TNFRSF8: variants seen among roughly 807,000 people sequenced by gnomAD.
TNFRSF8 encodes the protein tumor necrosis factor receptor superfamily member 8.
TNFRSF8 carries 26 observed loss-of-function variants against 70.8 expected under a neutral mutation model. The observed-to-expected ratio is 0.37, with a 90% CI of 0.27 to 0.51. TNFRSF8 has a LOEUF of 0.51. TNFRSF8 is among the 20% of genes least tolerant of loss of function. TNFRSF8 has a pLI of 0.94. For missense variants in TNFRSF8, 720 were observed against 807.9 expected (o/e 0.89, Z 1.32); for synonymous variants, 356 against 339.2 (o/e 1.05, Z -0.54).
rs147416595 is a variant in TNFRSF8 at position 12,082,623 on chromosome 1, G to A, written c.64-1841G>A. ...CACAAAACAAAAACCACGCCTTCCT[G>A]AAAAGAGTGAGCCTCTCCGACCCCT... On this transcript the variant is annotated intron_variant, in intron 1 of 14. Transcript: ENST00000263932. 2.0e-5 allele frequency among the ~76,000 whole-genome samples: 3 copies of A among 150,682 alleles called. No homozygotes were observed. In the East Asian group the frequency reaches 5.8e-4, roughly 29 times the overall value.
Position 12,115,578 on chromosome 1 carries a change from T to G in TNFRSF8, c.795T>G (p.Asp265Glu). The G allele has an allele frequency of 6.2e-7, 1 of 1,614,212 alleles. No individual in the cohort carries two copies. The highest frequency in any genetic ancestry group is 1.7e-5 in the Admixed American group (1 of 60,026). The change falls in exon 8 of 15, where the codon GAT becomes GAG. Residue 265 changes from aspartate to glutamate, a missense_variant and splice_region_variant. By Grantham distance (45) the Asp-to-Glu change is conservative. Coordinates refer to ENST00000263932, the MANE Select transcript of TNFRSF8 (RefSeq NM_001243.5). ...RCTACVSCSR[D>E]DLVEKTPCAW... ...GTGATCCTCATCTGTGTCCCTTAGA[T>G]GACCTTGTGGAGAAGACGCCATGTG...
intron 2 of TNFRSF8, among the ~76,000 whole-genome samples, chr1:12,087,137 C>T (rs1641167883): frequency 6.9e-6 from 1 of 144,690 alleles, no homozygotes; most frequent in Admixed American, 7.0e-5. Flanking sequence ...ATCATCCATC[C>T]AACAAATTTT....
intron 1 of TNFRSF8, among the ~76,000 whole-genome samples, chr1:12,081,868 C>G (rs779203656): frequency 6.6e-6 from 1 of 152,124 alleles, no homozygotes; most frequent in Non-Finnish European, 1.5e-5. Flanking sequence ...CCACATCGCA[C>G]CAGGGGCCAC....
rs11569956 is a variant in TNFRSF8, at chr1:12,143,815, C to T, written c.*1284C>T. ...TGGACTTACCGCCTGGAGGCAGGCC[C>T]GGGAAGGCTGCTGTTTACTCATCGG... is the stretch of plus-strand genomic sequence containing the variant. On this transcript the variant is annotated 3_prime_UTR_variant, in exon 15 of 15. Transcript: ENST00000263932. This position sits in a 1 kb window ranked among gnomAD's most constrained non-coding sequence, Gnocchi z 4.1. 1,206 of 152,278 alleles carry T rather than the reference C, an allele frequency of 7.9e-3. 21 individuals carry two copies. The highest frequency in any genetic ancestry group is 0.027 in the African/African-American group (1,119 of 41,540). 9.4% of individuals were successfully genotyped at this position (152,278 alleles called of 1,614,324 possible).
rs562374365 is a variant in TNFRSF8, at chr1:12,079,707, ACAGGCTGGCCATCCCAC to A, written c.64-4752_64-4736del. The stretch of plus-strand genomic sequence containing the variant: ...CTCCTTCCAAGGGGATTTGAGAGGC[ACAGGCTGGCCATCCCAC>A]CAGGTTGAGATCCCACAGCCCCTCC... On this transcript the variant is annotated intron_variant, in intron 1 of 14. Transcript: ENST00000263932. 3.1e-3 allele frequency among the ~76,000 whole-genome samples: 465 copies of A among 152,282 alleles called. 2 individuals are homozygous for A. Among genetic ancestry groups the A allele is most frequent in the African/African-American group, 0.011 (452 of 41,566 alleles).
At chr1:12,071,058 G>T (rs888859117) in intron 1 of TNFRSF8, among the ~76,000 whole-genome samples, 1 of 152,068 alleles carries the variant, frequency 6.6e-6, no homozygotes, top group African/African-American at 2.4e-5. Context: ...CTTTTATTCA[G>T]CCTGGTTACA....
chr1:12,122,391 G>A (rs1044694249), intron 8 of TNFRSF8, among the ~76,000 whole-genome samples: 2 of 151,628 alleles, frequency 1.3e-5, no homozygotes, highest in Admixed American at 6.6e-5. Flanking sequence ...TCACGCCTAC[G>A]ATCCCAGCAC....
chr1:12,068,528 G>A (rs987641602), intron 1 of TNFRSF8, among the ~76,000 whole-genome samples: 6 of 152,192 alleles, frequency 3.9e-5, no homozygotes, highest in Non-Finnish European at 8.8e-5. Context: ...GGATACTGGG[G>A]TGGGGGTGGG....
chr1:12,091,527 G>A (rs928281251), intron 2 of TNFRSF8, among the ~76,000 whole-genome samples: 2 of 152,082 alleles, frequency 1.3e-5, no homozygotes, highest in African/African-American at 4.8e-5. Context: ...GCTCTGAGAG[G>A]GTGATTTTAA....
chr1:12,119,876 G>T lies in TNFRSF8; in HGVS notation c.947-3408G>T. On this transcript the variant is annotated intron_variant, in intron 8 of 14. Coordinates refer to ENST00000263932, the MANE Select transcript of TNFRSF8 (RefSeq NM_001243.5). The surrounding 1 kb of genome is among the most constrained non-coding windows in gnomAD (Gnocchi z 4.4). Reference sequence around the variant, plus strand: ...GGTCACATAGTCAGAATGTTTTTGAGGACTAGTCAAAGCTGGATACCTCTG... The same window carrying T: ...GGTCACATAGTCAGAATGTTTTTGATGACTAGTCAAAGCTGGATACCTCTG... Among the ~76,000 whole-genome samples the T allele has an allele frequency of 6.6e-6, 1 of 152,066 alleles. No individual in the cohort carries two copies. Among genetic ancestry groups the T allele is most frequent in the East Asian group, 1.9e-4 (1 of 5,188 alleles).
Position 12,113,567 on chromosome 1 carries a change from CAG to C in TNFRSF8, c.793+1559_793+1560del, listed in dbSNP as rs958453182. Among the ~76,000 whole-genome samples, 114 of 144,604 alleles carry C rather than the reference CAG, an allele frequency of 7.9e-4. 1 individual carries two copies. The highest frequency in any genetic ancestry group is 9.9e-4 in the African/African-American group (38 of 38,252). 94.9% of individuals were successfully genotyped at this position (144,604 alleles called of 152,430 possible). A position where few individuals can be genotyped will look rare whatever the true frequency, so the allele number is the denominator to read the frequency against. ...AGAGTGAGAGAGAGAAAGAGAGAGA[CAG>C]AGAGAAAGAGACAGAATGAGAGGGA... On this transcript the variant is annotated intron_variant, in intron 7 of 14. Coordinates refer to ENST00000263932, the MANE Select transcript of TNFRSF8 (RefSeq NM_001243.5). This position sits in a 1 kb window ranked among gnomAD's most constrained non-coding sequence, Gnocchi z 4.9.
intron 1 of TNFRSF8, among the ~76,000 whole-genome samples, chr1:12,079,862 T>C (rs1641032611): frequency 6.6e-6 from 1 of 152,218 alleles, no homozygotes; most frequent in African/African-American, 2.4e-5. Flanking sequence ...TATTTACATA[T>C]GTGGCTTTGT....
chr1:12,066,281 A>C (rs1640738984), intron 1 of TNFRSF8, among the ~76,000 whole-genome samples: 1 of 151,356 alleles, frequency 6.6e-6, no homozygotes, highest in African/African-American at 2.4e-5. Flanking sequence ...TGTTTTTTCC[A>C]GTAAAGGTTC....
chr1:12,097,007 G>A, intron 2 of TNFRSF8, 94 bp from the exon 3 acceptor site: 1 of 893,116 alleles, frequency 1.1e-6, no homozygotes, highest in Middle Eastern at 3.6e-4. Context: ...AGGTGGAGCT[G>A]GGAGGGGCGT....
At chr1:12,092,892 A>G (rs1641269748) in intron 2 of TNFRSF8, among the ~76,000 whole-genome samples, 1 of 147,072 alleles carries the variant, frequency 6.8e-6, no homozygotes. Context: ...TGCAACCTCC[A>G]CCTCCCAGGT....
chr1:12,088,639 T>C lies in TNFRSF8; in HGVS notation c.151+4088T>C, dbSNP rs1018025037. Among the ~76,000 whole-genome samples, 10 of 152,288 alleles carry C rather than the reference T, an allele frequency of 6.6e-5. No individual in the cohort carries two copies. The highest frequency in any genetic ancestry group is 5.8e-4 in the East Asian group (3 of 5,180). ...CACAGGAAGGGGTCTCTCCTGCAGATGTTTGAGGCCTGCCCAGGTTCAGGG... is the reference window on the plus strand; with the variant it reads ...CACAGGAAGGGGTCTCTCCTGCAGACGTTTGAGGCCTGCCCAGGTTCAGGG... On this transcript the variant is annotated intron_variant, in intron 2 of 14. Coordinates refer to ENST00000263932, the MANE Select transcript of TNFRSF8 (RefSeq NM_001243.5). This position sits in a 1 kb window ranked among gnomAD's most constrained non-coding sequence, Gnocchi z 4.0.
intron 2 of TNFRSF8, 133 bp downstream of exon 2, chr1:12,084,684 C>A: frequency 1.2e-6 from 1 of 841,238 alleles, no homozygotes; most frequent in Non-Finnish European, 1.9e-6. Context: ...TTCTGCAGGT[C>A]ATTCCTAGTG....
intron 1 of TNFRSF8, among the ~76,000 whole-genome samples, chr1:12,067,944 A>G (rs1640771739): frequency 6.7e-6 from 1 of 149,750 alleles, no homozygotes; most frequent in Non-Finnish European, 1.5e-5. Flanking sequence ...GAAGGAGTGG[A>G]AGGAGGGTCT....
At chr1:12,120,610 C>A (rs1293959112) in intron 8 of TNFRSF8, among the ~76,000 whole-genome samples, 2 of 152,122 alleles carry the variant, frequency 1.3e-5, no homozygotes, top group Non-Finnish European at 2.9e-5. Flanking sequence ...TTAAATGGCC[C>A]AAGGACTGGG....
Sources: gnomAD v4.1 joint callset for allele counts (sites outside exome capture counted in the v4.1 genomes callset) on GRCh38, gnomAD v4.1.1 for gene constraint, Gnocchi (gnomAD v3.1) non-coding constraint, MANE v1.5 for transcripts, NCBI Gene and HGNC (gene_info 2026-07-23, HGNC 2026-07-21) for gene names.